The following GPR179 variants were observed in gnomAD, a reference collection of about 807,000 sequenced individuals.
GPR179 encodes the protein probable G protein-coupled receptor 179.
In GPR179, 52 loss-of-function variants were observed where a neutral mutation model predicts 70.8. That is an observed-to-expected ratio of 0.73 (90% CI 0.59 to 0.93). GPR179 has a LOEUF of 0.93. GPR179 is among the 40% of genes least tolerant of loss of function. GPR179 has a pLI of 0.00. For missense variants in GPR179, 2,734 were observed against 2,966.8 expected, an observed-to-expected ratio of 0.92 and a Z score of 1.82; for synonymous variants, 1,123 against 1,169.0, an observed-to-expected ratio of 0.96 and a Z score of 0.80.
rs2037313788 is a variant in GPR179 at position 38,328,469 on chromosome 17, C to T, written c.5100G>A (p.Gly1700=). 1.2e-6 allele frequency: 2 copies of T among 1,611,982 alleles called. No individual in the cohort carries two copies. Among genetic ancestry groups the T allele is most frequent in the African/African-American group, 2.7e-5 (2 of 74,222 alleles). The change falls in exon 11 of 11, where the codon GGG becomes GGA. Residue 1700 remains glycine (G), a synonymous_variant. Transcript: ENST00000616987. ...PLDVEENLTA[G]KAEICPWEVG... ...CCTCCCAGGGACAGATTTCTGCCTT[C>T]CCAGCAGTCAAGTTTTCCTCCACAT...
intron 9 of GPR179, 45 bp downstream of exon 9, chr17:38,333,888 A>G: frequency 1.4e-6 from 2 of 1,451,400 alleles, no homozygotes; most frequent in East Asian, 2.3e-5. Context: ...TGGCCCTGAC[A>G]GAGGGGCTGG....
chr17:38,330,251 A>G lies in GPR179; in HGVS notation c.3318T>C (p.Ser1106=). Reference sequence around the variant, plus strand: ...TCTGCCCCTCGGGACTCTCCTCCACACTCTCCTTCTCTCTGTAGGTGCTCC... The same window carrying G: ...TCTGCCCCTCGGGACTCTCCTCCACGCTCTCCTTCTCTCTGTAGGTGCTCC... The part of the protein sequence containing the change: ...RSRSTYREKE[S]VEESPEGQNS... Residue 1106 remains serine, a synonymous_variant, in exon 11 of 11, where the codon AGT becomes AGC. Transcript: ENST00000616987. 6.3e-7 allele frequency: 1 copy of G among 1,587,522 alleles called. No individual in the cohort carries two copies. The highest frequency in any genetic ancestry group is 1.4e-5 in the African/African-American group (1 of 73,892).
At chr17:38,339,292 C>A (rs2037430282) in intron 2 of GPR179, 125 bp downstream of exon 2, 1 of 641,492 alleles carries the variant, frequency 1.6e-6, no homozygotes, top group Admixed American at 2.7e-5. Flanking sequence ...ACTAGGAACT[C>A]CCCTGAAGCC....
chr17:38,340,133 T>C (rs1466304763), intron 1 of GPR179, among the ~76,000 whole-genome samples: 1 of 152,120 alleles, frequency 6.6e-6, no homozygotes, highest in Non-Finnish European at 1.5e-5. Context: ...TCCCTGAGTC[T>C]ATTCTTTCTT....
rs772785900 is a variant in GPR179 at position 38,333,417 on chromosome 17, G to A, written c.1891-20C>T. The stretch of plus-strand genomic sequence containing the variant: ...CCAGAACTGGCAGGGGTGCATAAGA[G>A]TGGGAAAAAGACTCGCCCTGGCTCC... On this transcript the variant is annotated intron_variant, in intron 9 of 10. Coordinates refer to ENST00000616987, the MANE Select transcript of GPR179 (RefSeq NM_001004334.4). 1.2e-6 allele frequency: 2 copies of A among 1,610,014 alleles called. No individual in the cohort carries two copies. The highest frequency in any genetic ancestry group is 1.7e-6 in the Non-Finnish European group (2 of 1,178,176).
intron 9 of GPR179, 23 bp downstream of exon 9, chr17:38,333,910 C>A: frequency 6.4e-7 from 1 of 1,572,980 alleles, no homozygotes; most frequent in Non-Finnish European, 8.7e-7. Flanking sequence ...GTCCACCTCA[C>A]AGGCAGGAGG....
At position 38,328,275 on chromosome 17, in the gene GPR179, C is replaced by T. The variant is rs2037310602; in HGVS notation, c.5294G>A (p.Gly1765Glu). ...AGAACAGGCCCCTGGACCCACACTC[C>T]CCCAGGGACAAGCCACCTCCCACTC... ...TPEWEVACPW[G>E]SVGPGACSQH... Residue 1765 changes from glycine to glutamate, a missense_variant, in exon 11 of 11, where the codon GGG becomes GAG. Gly to Glu is a moderately conservative substitution (Grantham distance 98). Coordinates refer to ENST00000616987, the MANE Select transcript of GPR179 (RefSeq NM_001004334.4). The T allele has an allele frequency of 3.7e-6, 6 of 1,613,862 alleles. No individual in the cohort carries two copies. The highest frequency in any genetic ancestry group is 5.1e-6 in the Non-Finnish European group (6 of 1,180,014).
Position 38,335,121 on chromosome 17 carries a change from G to T in GPR179, c.1557C>A (p.His519Gln). ...TGTGGCCTCGGATCACCAGAGGTGCGTGCTGGATGCCTCGCTCCAGGGCGC... is the reference window on the plus strand; with the variant it reads ...TGTGGCCTCGGATCACCAGAGGTGCTTGCTGGATGCCTCGCTCCAGGGCGC... ...TVGALERGIQ[H>Q]APLVIRGHTP... Residue 519 changes from histidine (H) to glutamine (Q), a missense_variant, in exon 7 of 11, where the codon CAC (histidine) becomes CAA (glutamine). Transcript: ENST00000616987. 1.2e-6 allele frequency: 2 copies of T among 1,608,394 alleles called. No individual in the cohort carries two copies. The highest frequency in any genetic ancestry group is 1.7e-6 in the Non-Finnish European group (2 of 1,177,670).
chr17:38,340,497 G>A (rs570139617), intron 1 of GPR179, among the ~76,000 whole-genome samples: 2 of 152,186 alleles, frequency 1.3e-5, no homozygotes, highest in Non-Finnish European at 2.9e-5. Context: ...GTTCAGGCTG[G>A]TCTTGAACTC....
At position 38,330,980 on chromosome 17, in the gene GPR179, G is replaced by A. The variant is rs1262517211; in HGVS notation, c.2589C>T (p.Tyr863=). 1 of 1,612,110 alleles carries A rather than the reference G, an allele frequency of 6.2e-7. No homozygotes were observed. Among genetic ancestry groups the A allele is most frequent in the Non-Finnish European group, 8.5e-7 (1 of 1,179,746 alleles). Residue 863 remains tyrosine, a synonymous_variant, in exon 11 of 11, where the codon TAC becomes TAT. Transcript: ENST00000616987. ...MASQAYLEET[Y]RQAKEREERK... ...GCTCCTCCCGCTCCTTTGCTTGCCG[G>A]TAGGTCTCCTCCAGGTAGGCCTGGC... is the stretch of plus-strand genomic sequence containing the variant.
intron 1 of GPR179, 104 bp downstream of exon 1, chr17:38,342,892 C>T: frequency 2.8e-6 from 3 of 1,086,204 alleles, no homozygotes; most frequent in Non-Finnish European, 4.0e-6. Context: ...GCCCCCCAGG[C>T]ATGCACATGT....
intron 9 of GPR179, 121 bp downstream of exon 9, chr17:38,333,812 C>A: frequency 1.4e-6 from 1 of 702,488 alleles, no homozygotes; most frequent in South Asian, 1.9e-5. Flanking sequence ...TGTGCTCACT[C>A]ACCCAGCACC....
intron 2 of GPR179, among the ~76,000 whole-genome samples, chr17:38,338,856 C>T (rs1366829102): frequency 6.6e-6 from 1 of 152,230 alleles, no homozygotes; most frequent in Non-Finnish European, 1.5e-5. Flanking sequence ...GTCACCTGCA[C>T]CCGTAGCTTT....
chr17:38,328,781 C>T lies in GPR179; in HGVS notation c.4788G>A (p.Glu1596=), dbSNP rs573315577. 1 of 1,614,182 alleles carries T rather than the reference C, an allele frequency of 6.2e-7. No individual in the cohort carries two copies. Among genetic ancestry groups the T allele is most frequent in the African/African-American group, 1.3e-5 (1 of 75,040 alleles). The change falls in exon 11 of 11, where the codon GAG becomes GAA. Residue 1596 remains glutamate, a synonymous_variant. Transcript: ENST00000616987. ...ATTCCTCTCTTGTTCTTTCATTTAC[C>T]TCCCAGGGACAGATTTCTGTTTTGG... ...TPAKTEICPW[E]VNERTREEWT...
chr17:38,334,098 C>T lies in GPR179; in HGVS notation c.1785-60G>A. The stretch of plus-strand genomic sequence containing the variant: ...GGCAGGAGTTGCCTCTTCTGCTTTG[C>T]CTTCTCACTGGCGTTTCACCTCAGC... On this transcript the variant is annotated intron_variant, in intron 8 of 10. Coordinates refer to ENST00000616987, the MANE Select transcript of GPR179 (RefSeq NM_001004334.4). The surrounding 1 kb of genome is among the most constrained non-coding windows in gnomAD (Gnocchi z 4.7). The T allele has an allele frequency of 8.2e-7, 1 of 1,214,560 alleles. No individual in the cohort carries two copies. The highest frequency in any genetic ancestry group is 1.2e-6 in the Non-Finnish European group (1 of 817,628). 75.2% of individuals were successfully genotyped at this position (1,214,560 alleles called of 1,614,324 possible).
rs148060036 is a variant in GPR179 at position 38,343,162 on chromosome 17, C to T, written c.628G>A (p.Gly210Ser). ...TCTGCCTGCGGCCACTTGGGGCTGC[C>T]GAGGCTCCCTAGGTCATTGGTCAAC... ...RVLTNDLGSL[G>S]SPKWPQADGY... Residue 210 changes from glycine (G) to serine (S), a missense_variant, in exon 1 of 11, where the codon GGC (glycine) becomes AGC (serine). Coordinates refer to ENST00000616987, the MANE Select transcript of GPR179 (RefSeq NM_001004334.4). This position sits in a 1 kb window ranked among gnomAD's most constrained non-coding sequence, Gnocchi z 4.2. The T allele has an allele frequency of 7.9e-4, 1,274 of 1,614,094 alleles. 11 individuals carry two copies. The African/African-American group carries it at 0.015, about 19-fold the overall frequency.
In GPR179 at chr17:38,328,806, G is replaced by A. The variant is rs778999876; in HGVS notation, c.4763C>T (p.Ala1588Val). The A allele has an allele frequency of 4.0e-5, 64 of 1,605,712 alleles. No homozygotes were observed. In the Admixed American group the frequency reaches 5.6e-4, roughly 14 times the overall value. Reference protein sequence around the residue: ...LRPEAQEATPAKTEICPWEVN... With the variant: ...LRPEAQEATPVKTEICPWEVN... ...CTCCCAGGGACAGATTTCTGTTTTG[G>A]CAGGTGTTGCTTCCTGTGCCTCCGG... The change falls in exon 11 of 11, where the codon GCC becomes GTC. Residue 1588 changes from alanine (A) to valine (V), a missense_variant. By Grantham distance (64) the Ala-to-Val change is moderately conservative. Coordinates refer to ENST00000616987, the MANE Select transcript of GPR179 (RefSeq NM_001004334.4).
At position 38,343,681 on chromosome 17, in the gene GPR179, G is replaced by A. The variant is rs1392059419; in HGVS notation, c.109C>T (p.Pro37Ser). 1.9e-6 allele frequency: 3 copies of A among 1,610,308 alleles called. No individual in the cohort carries two copies. Among genetic ancestry groups the A allele is most frequent in the Non-Finnish European group, 2.5e-6 (3 of 1,177,480 alleles). ...GGPRPIRSLP[P>S]LSSQVKPGSV... The stretch of plus-strand genomic sequence containing the variant: ...CCTGGCTTGACTTGGGAAGACAGAG[G>A]GGGCAGAGAGCGGATGGGCCGTGGA... The change falls in exon 1 of 11, where the codon CCT (proline) becomes TCT (serine). Residue 37 changes from proline (P) to serine (S), a missense_variant. Transcript: ENST00000616987. This position sits in a 1 kb window ranked among gnomAD's most constrained non-coding sequence, Gnocchi z 4.2.
Position 38,328,395 on chromosome 17 carries a change from C to T in GPR179, c.5174G>A (p.Arg1725Lys), listed in dbSNP as rs1457912176. The T allele has an allele frequency of 6.2e-7, 1 of 1,613,318 alleles. No individual in the cohort carries two copies. Among genetic ancestry groups the T allele is most frequent in the South Asian group, 1.1e-5 (1 of 91,054 alleles). The part of the protein sequence containing the change: ...EERALGAEAI[R>K]KSPNDTGKVS... ...CTTGCCTGTATCATTTGGAGATTTC[C>T]TAATGGCCTCAGCTCCCAAAGCCCT... Residue 1725 changes from arginine (R) to lysine (K), a missense_variant, in exon 11 of 11, where the codon AGG becomes AAG. Transcript: ENST00000616987.
Sources: gnomAD v4.1 joint callset for allele counts (sites outside exome capture counted in the v4.1 genomes callset) on GRCh38, gnomAD v4.1.1 for gene constraint, Gnocchi (gnomAD v3.1) non-coding constraint, MANE v1.5 for transcripts, NCBI Gene and HGNC (gene_info 2026-07-23, HGNC 2026-07-21) for gene names.